The following ZNF618 variants were observed in gnomAD, a reference collection of about 807,000 sequenced individuals.
ZNF618 encodes the protein neural precursor cell expressed, developmentally down-regulated 10.
In ZNF618, 34 loss-of-function variants were observed where a neutral mutation model predicts 103.0. The ratio of observed to expected loss-of-function variants is 0.33; its 90% CI spans 0.25 to 0.44. The LOEUF (loss-of-function observed/expected upper bound fraction) is 0.44. ZNF618 is among the 20% of genes least tolerant of loss of function. The probability of loss-of-function intolerance (pLI) is 1.00; values close to 1 mark genes in which losing one functional copy is unlikely to be tolerated. For missense variants in ZNF618, 1,059 were observed against 1,295.4 expected (o/e 0.82, Z 2.80); for synonymous variants, 551 against 542.2 (o/e 1.02, Z -0.23).
intron 1 of ZNF618, among the ~76,000 whole-genome samples, chr9:113,915,933 A>G (rs1173175751): frequency 6.6e-6 from 1 of 152,246 alleles, no homozygotes; most frequent in Non-Finnish European, 1.5e-5. Context: ...GTAGATGCTT[A>G]TTAAATATTC....
chr9:114,015,937 G>A (rs767854135), intron 9 of ZNF618, among the ~76,000 whole-genome samples: 18 of 152,224 alleles, frequency 1.2e-4, no homozygotes, highest in Non-Finnish European at 2.5e-4. Flanking sequence ...AGCCAGACAG[G>A]TGTTATCAGT....
chr9:113,964,619 CGGTTCCCCACGTGCTTG>C (rs1837186907), intron 1 of ZNF618, among the ~76,000 whole-genome samples: 1 of 151,962 alleles, frequency 6.6e-6, no homozygotes, highest in Non-Finnish European at 1.5e-5. Context: ...AAACACACAG[CGGTTCCCCACGTGCTTG>C]GGTTCTATCC....
At chr9:113,892,141 C>T (rs139443254) in intron 1 of ZNF618, among the ~76,000 whole-genome samples, 1,530 of 152,232 alleles carry the variant, frequency 0.01, 40 homozygotes, top group African/African-American at 0.035. Flanking sequence ...AGATCTGTTG[C>T]ACGACAGTGT....
At chr9:113,956,810 A>C (rs746251289) in intron 1 of ZNF618, among the ~76,000 whole-genome samples, 5 of 152,252 alleles carry the variant, frequency 3.3e-5, no homozygotes, top group Non-Finnish European at 7.3e-5. Flanking sequence ...AATAAGTGGT[A>C]GTAATTATAG....
chr9:114,045,495 G>A (rs989944949), intron 13 of ZNF618, among the ~76,000 whole-genome samples: 45 of 151,986 alleles, frequency 3.0e-4, no homozygotes, highest in African/African-American at 1.1e-3. Context: ...CCATTGAATT[G>A]TCCTGATAAC....
chr9:113,995,361 A>G (rs1840471468), intron 3 of ZNF618, among the ~76,000 whole-genome samples: 1 of 152,160 alleles, frequency 6.6e-6, no homozygotes, highest in South Asian at 2.1e-4. Context: ...TAAATAGTAA[A>G]TGTAAAAGTA....
intron 1 of ZNF618, among the ~76,000 whole-genome samples, chr9:113,948,981 A>C (rs1044171589): frequency 6.6e-6 from 1 of 152,244 alleles, no homozygotes; most frequent in Non-Finnish European, 1.5e-5. Flanking sequence ...AAAAGGGGGA[A>C]CTCAAGGACG....
At chr9:113,921,452 G>A (rs965693326) in intron 1 of ZNF618, among the ~76,000 whole-genome samples, 4 of 152,232 alleles carry the variant, frequency 2.6e-5, no homozygotes, top group African/African-American at 9.6e-5. Flanking sequence ...TAGGCTGAGG[G>A]TGTTCTCTCT....
intron 10 of ZNF618, among the ~76,000 whole-genome samples, chr9:114,025,257 T>A (rs1257360077): frequency 6.6e-6 from 1 of 152,236 alleles, no homozygotes; most frequent in Non-Finnish European, 1.5e-5. Context: ...GTGATTCCAT[T>A]TGCCTCCAAT....
intron 12 of ZNF618, among the ~76,000 whole-genome samples, chr9:114,035,653 G>C (rs969021157): frequency 6.7e-6 from 1 of 149,556 alleles, no homozygotes; most frequent in South Asian, 2.1e-4. Context: ...TTCTCTGCCA[G>C]GCACTGACGT....
intron 1 of ZNF618, among the ~76,000 whole-genome samples, chr9:113,948,242 C>T (rs1430325918): frequency 2.6e-5 from 4 of 152,296 alleles, no homozygotes; most frequent in South Asian, 2.1e-4. Context: ...ATGGGTAAAA[C>T]GCAGAAAACC....
chr9:113,984,329 C>T (rs1406111069), intron 2 of ZNF618, among the ~76,000 whole-genome samples: 2 of 152,186 alleles, frequency 1.3e-5, no homozygotes, highest in Non-Finnish European at 2.9e-5. Context: ...GTGAGGATGT[C>T]ATCATGAACC....
chr9:113,948,257 A>C (rs1167689741), intron 1 of ZNF618, among the ~76,000 whole-genome samples: 1 of 152,232 alleles, frequency 6.6e-6, no homozygotes, highest in Non-Finnish European at 1.5e-5. Context: ...AAAACCAGGC[A>C]GAACTGATTC....
chr9:114,048,335 A>C (rs1209695738), intron 14 of ZNF618, among the ~76,000 whole-genome samples: 1 of 152,200 alleles, frequency 6.6e-6, no homozygotes, highest in African/African-American at 2.4e-5. Context: ...CCCATATTAG[A>C]GGAGATTCCT....
chr9:113,885,971 C>G (rs1451634829), intron 1 of ZNF618, among the ~76,000 whole-genome samples: 1 of 152,122 alleles, frequency 6.6e-6, no homozygotes, highest in African/African-American at 2.4e-5. Context: ...CTATAGAAAA[C>G]ACAGGGAAAA....
chr9:113,893,268 A>T (rs1829767959), intron 1 of ZNF618, among the ~76,000 whole-genome samples: 4 of 152,220 alleles, frequency 2.6e-5, no homozygotes, highest in Admixed American at 2.6e-4. Context: ...CATGCTATGG[A>T]CGTGCCAGTA....
At chr9:113,905,387 A>G (rs1830903439) in intron 1 of ZNF618, among the ~76,000 whole-genome samples, 1 of 152,216 alleles carries the variant, frequency 6.6e-6, no homozygotes, top group African/African-American at 2.4e-5. Flanking sequence ...AGAATAGAGC[A>G]GGGTTTGGCA....
chr9:113,893,587 A>G (rs1587956251), intron 1 of ZNF618, among the ~76,000 whole-genome samples: 1 of 151,958 alleles, frequency 6.6e-6, no homozygotes, highest in African/African-American at 2.4e-5. Context: ...TCCTTCCCCT[A>G]TCTTCTCTGT....
At chr9:113,889,440 C>A (rs767949909) in intron 1 of ZNF618, among the ~76,000 whole-genome samples, 6 of 152,086 alleles carry the variant, frequency 3.9e-5, no homozygotes, top group Middle Eastern at 3.4e-3. Flanking sequence ...TGCAAAGATG[C>A]ATGTGCCAAG....
Sources: allele counts gnomAD v4.1 joint callset (sites outside exome capture counted in the v4.1 genomes callset), GRCh38; gene constraint gnomAD v4.1.1; transcripts MANE v1.5; gene names NCBI Gene and HGNC (gene_info 2026-07-23, HGNC 2026-07-21).